Variants in NFATC3 observed in about 807,000 individuals in gnomAD.
NFATC3 encodes the protein nuclear factor of activated T-cells, cytoplasmic 3.
A neutral mutation model predicts 98.6 loss-of-function variants in NFATC3; 46 were observed. The ratio of observed to expected loss-of-function variants is 0.47; its 90% CI spans 0.37 to 0.60. The LOEUF is 0.60. Among genes scored for constraint, NFATC3 ranks in the 20% least tolerant of loss-of-function variants. The pLI is 0.00. For missense variants in NFATC3, 1,256 were observed against 1,295.5 expected (o/e 0.97, Z 0.47); for synonymous variants, 512 against 472.2 (o/e 1.08, Z -1.09).
At chr16:68,159,390 A>G (rs983114666) in intron 4 of NFATC3, among the ~76,000 whole-genome samples, 3 of 150,794 alleles carry the variant, frequency 2.0e-5, no homozygotes, top group Non-Finnish European at 4.4e-5. Context: ...AAACTACACT[A>G]TAGACCTTTC....
chr16:68,181,852 G>C (rs988800816), intron 7 of NFATC3, among the ~76,000 whole-genome samples: 1 of 152,110 alleles, frequency 6.6e-6, no homozygotes, highest in African/African-American at 2.4e-5. Flanking sequence ...ACCTGAGCCT[G>C]GGAGGTCAAG....
At chr16:68,134,993 T>A (rs1258085669) in intron 3 of NFATC3, among the ~76,000 whole-genome samples, 3 of 151,722 alleles carry the variant, frequency 2.0e-5, no homozygotes, top group Non-Finnish European at 2.9e-5. Flanking sequence ...CTTTTTTTTT[T>A]ATCGTTTATG....
chr16:68,100,180 G>A (rs2035268034), intron 1 of NFATC3, among the ~76,000 whole-genome samples: 1 of 152,152 alleles, frequency 6.6e-6, no homozygotes, highest in Non-Finnish European at 1.5e-5. Flanking sequence ...GAACATTTGT[G>A]TACAGATTTG....
At position 68,217,703 on chromosome 16, in the gene NFATC3, C is replaced by T. The variant is rs978484085; in HGVS notation, c.3107-8647C>T. The T allele has an allele frequency of 9.7e-6, 12 of 1,231,440 alleles. No homozygotes were observed. The Admixed American group carries it at 1.7e-4, about 17-fold the overall frequency. The allele number at this position is 1,231,440 out of a possible 1,614,324, so 76.3% of individuals were successfully genotyped here. A position where few individuals can be genotyped will look rare whatever the true frequency, so the allele number is the denominator to read the frequency against. On this transcript the variant is annotated intron_variant, in intron 9 of 9. Coordinates refer to ENST00000346183, the MANE Select transcript of NFATC3 (RefSeq NM_173165.3). ...TCCTTTCAATTTGTTGTTCCTCTTT[C>T]TCCTTAGGTTTTGTCAAAGCAGAGA...
At chr16:68,187,976 C>T (rs1013259308) in intron 8 of NFATC3, among the ~76,000 whole-genome samples, 8 of 152,098 alleles carry the variant, frequency 5.3e-5, no homozygotes, top group Non-Finnish European at 7.4e-5. Context: ...TGTCAAGGGG[C>T]GCCTGCAAAC....
At position 68,211,975 on chromosome 16, in the gene NFATC3, C is replaced by A. The variant is rs1007647838; in HGVS notation, c.3107-14375C>A. On this transcript the variant is annotated intron_variant, in intron 9 of 9. Transcript: ENST00000346183. ...AATCTGAAAGTACCACTGAATTCAT[C>A]CACTCACAAAAGCTCCCATAGTGTG... 4.6e-5 allele frequency among the ~76,000 whole-genome samples: 7 copies of A among 152,314 alleles called. No homozygotes were observed. The South Asian group carries it at 1.4e-3, about 32-fold the overall frequency.
At chr16:68,214,659 G>A (rs1438591442) in intron 9 of NFATC3, among the ~76,000 whole-genome samples, 2 of 152,186 alleles carry the variant, frequency 1.3e-5, no homozygotes, top group East Asian at 3.8e-4. Context: ...GAATGAAAGG[G>A]AAGTGTTTAC....
In NFATC3 at chr16:68,228,782, C is replaced by A. The variant is rs1289935368; in HGVS notation, c.*2311C>A. 1 of 152,626 alleles carries A rather than the reference C, an allele frequency of 6.6e-6. No individual in the cohort carries two copies. Among genetic ancestry groups the A allele is most frequent in the East Asian group, 1.9e-4 (1 of 5,188 alleles). The allele number at this position is 152,626 out of a possible 1,614,324, so 9.5% of individuals were successfully genotyped here. ...GCAACTGGGCACGTGCTAGTACGCA[C>A]CCCCTCCTACTCTAACTGTGCTAGC... On this transcript the variant is annotated 3_prime_UTR_variant, in exon 10 of 10. Transcript: ENST00000346183.
chr16:68,123,012 C>T lies in NFATC3; in HGVS notation c.1129C>T (p.Leu377Phe), dbSNP rs2036632830. The T allele has an allele frequency of 1.2e-6, 2 of 1,613,992 alleles. No homozygotes were observed. Among genetic ancestry groups the T allele is most frequent in the East Asian group, 2.2e-5 (1 of 44,880 alleles). The change falls in exon 2 of 10, where the codon CTT (leucine) becomes TTT (phenylalanine). Residue 377 changes from leucine (L) to phenylalanine (F), a missense_variant. Coordinates refer to ENST00000346183, the MANE Select transcript of NFATC3 (RefSeq NM_173165.3). Reference protein sequence around the residue: ...PARETSIDDGLGSQYPLKKDS... With the variant: ...PARETSIDDGFGSQYPLKKDS... ...CCGGGAGACTTCAATAGATGATGGC[C>T]TTGGATCTCAGTATCCTTTAAAGAA...
At chr16:68,184,736 A>G (rs1315187134) in intron 8 of NFATC3, among the ~76,000 whole-genome samples, 6 of 151,944 alleles carry the variant, frequency 3.9e-5, no homozygotes, top group Admixed American at 2.6e-4. Flanking sequence ...CCCAGGAGGC[A>G]GAGCTTGCAG....
At chr16:68,184,017 A>AG (rs1429583157) in intron 8 of NFATC3, among the ~76,000 whole-genome samples, 2 of 151,844 alleles carry the variant, frequency 1.3e-5, no homozygotes, top group African/African-American at 2.4e-5. Context: ...AAAAAAAAAA[A>AG]AAAAAAAAGA....
At chr16:68,119,473 C>G (rs532235431) in intron 1 of NFATC3, among the ~76,000 whole-genome samples, 43 of 152,252 alleles carry the variant, frequency 2.8e-4, no homozygotes, top group African/African-American at 1.0e-3. Flanking sequence ...CTCTCCCTGA[C>G]CACCCGTAGC....
chr16:68,116,215 A>G (rs1366490048), intron 1 of NFATC3, among the ~76,000 whole-genome samples: 1 of 152,016 alleles, frequency 6.6e-6, no homozygotes, highest in Non-Finnish European at 1.5e-5. Flanking sequence ...TTTTGAAACC[A>G]TTTAAAACCA....
intron 8 of NFATC3, among the ~76,000 whole-genome samples, chr16:68,187,821 G>A (rs949236313): frequency 5.3e-5 from 8 of 152,190 alleles, no homozygotes; most frequent in Admixed American, 1.3e-4. Flanking sequence ...CCGTAAGTTC[G>A]CACTCTGGTC....
rs1598637406 is a variant in NFATC3 at position 68,224,032 on chromosome 16, G to C, written c.3107-2318G>C. Among the ~76,000 whole-genome samples the C allele has an allele frequency of 8.0e-5, 12 of 150,696 alleles. No individual in the cohort carries two copies. The South Asian group carries it at 2.5e-3, about 32-fold the overall frequency. On this transcript the variant is annotated intron_variant, in intron 9 of 9. Coordinates refer to ENST00000346183, the MANE Select transcript of NFATC3 (RefSeq NM_173165.3). ...GAGGCCGAGGTGGGTGGATCATGAG[G>C]ACAGGAGATCGAGACCGTCCTGGCT... is the stretch of plus-strand genomic sequence containing the variant.
chr16:68,122,274 C>G lies in NFATC3; in HGVS notation c.391C>G (p.Leu131Val). ...HQELDAHEDD[L>V]QINDPEREFL... is the part of the protein sequence containing the mutation. The stretch of plus-strand genomic sequence containing the variant: ...AGAATTAGATGCACATGAAGATGAC[C>G]TACAGATAAATGACCCAGAACGGGA... Residue 131 changes from leucine (L) to valine (V), a missense_variant, in exon 2 of 10, where the codon CTA (leucine) becomes GTA (valine). Around this residue, in one of 3 missense-constraint regions of NFATC3, gnomAD observed 464 missense variants for 465.7 expected, o/e 1.00. Transcript: ENST00000346183. 1 of 1,614,082 alleles carries G rather than the reference C, an allele frequency of 6.2e-7. No homozygotes were observed. Among genetic ancestry groups the G allele is most frequent in the Non-Finnish European group, 8.5e-7 (1 of 1,180,018 alleles).
intron 1 of NFATC3, among the ~76,000 whole-genome samples, chr16:68,114,531 G>C (rs1387024769): frequency 6.6e-6 from 1 of 151,416 alleles, no homozygotes; most frequent in Non-Finnish European, 1.5e-5. Flanking sequence ...CAACTGAGCA[G>C]ATGTTGGTAA....
chr16:68,221,674 A>G (rs1038796503), intron 9 of NFATC3: 6 of 815,250 alleles, frequency 7.4e-6, no homozygotes, highest in Non-Finnish European at 8.9e-6. Context: ...ATAGTTGAGT[A>G]TAGTCCGCTT....
At chr16:68,210,907 G>A (rs1252496478) in intron 9 of NFATC3, among the ~76,000 whole-genome samples, 3 of 151,796 alleles carry the variant, frequency 2.0e-5, no homozygotes, top group African/African-American at 4.8e-5. Flanking sequence ...TCAGCCTCCC[G>A]AGTAGCTGGG....
Sources: allele counts gnomAD v4.1 joint callset (sites outside exome capture counted in the v4.1 genomes callset), GRCh38; gene constraint gnomAD v4.1.1; regional missense constraint gnomAD v4.1.1; transcripts MANE v1.5; gene names NCBI Gene and HGNC (gene_info 2026-07-23, HGNC 2026-07-21).